ANKS1B: variants seen among roughly 807,000 people sequenced by gnomAD.
ANKS1B encodes ankyrin repeat and sterile alpha motif domain containing 1B.
In ANKS1B, 36 loss-of-function variants were observed where a neutral mutation model predicts 148.3. The observed-to-expected ratio is 0.24, with a 90% CI of 0.19 to 0.32. ANKS1B has a LOEUF of 0.32. ANKS1B is among the 10% of genes least tolerant of loss of function. The pLI is 1.00. For missense variants in ANKS1B, 1,157 were observed against 1,542.6 expected, an observed-to-expected ratio of 0.75 and a Z score of 4.19; for synonymous variants, 542 against 560.8, an observed-to-expected ratio of 0.97 and a Z score of 0.47.
At chr12:99,840,313 G>C (rs906956579) in intron 1 of ANKS1B, among the ~76,000 whole-genome samples, 4 of 152,096 alleles carry the variant, frequency 2.6e-5, no homozygotes, top group African/African-American at 4.8e-5. Flanking sequence ...AAGGAAGAGA[G>C]CACAGAAAAG....
rs1349800189 is a variant in ANKS1B at position 99,427,212 on chromosome 12, TA to T, written c.1575+16460del. Among the ~76,000 whole-genome samples, 3 of 152,284 alleles carry T rather than the reference TA, an allele frequency of 2.0e-5. No individual in the cohort carries two copies. In the East Asian group the frequency reaches 5.8e-4, roughly 29 times the overall value. On this transcript the variant is annotated intron_variant, in intron 11 of 26. Coordinates refer to ENST00000683438, the MANE Select transcript of ANKS1B (RefSeq NM_001352186.2). ...GATCAAATCACATCACATTCTTGCT[TA>T]ACACCCTTCAGTGGCTTCTAATTGC...
chr12:99,704,373 T>A (rs1056910799), intron 8 of ANKS1B, among the ~76,000 whole-genome samples: 1 of 152,000 alleles, frequency 6.6e-6, no homozygotes, highest in Non-Finnish European at 1.5e-5. Context: ...CATTAAAAAA[T>A]AGAATGAAAT....
chr12:99,424,705 A>ATCTG lies in ANKS1B; in HGVS notation c.1575+18964_1575+18967dup, dbSNP rs532574681. The stretch of plus-strand genomic sequence containing the variant: ...TTGTCTATCTATCTATCTGTCATCT[A>ATCTG]TCTGTCTGTCTGTCTGTCTGTCTAG... On this transcript the variant is annotated intron_variant, in intron 11 of 26. Coordinates refer to ENST00000683438, the MANE Select transcript of ANKS1B (RefSeq NM_001352186.2). Among the ~76,000 whole-genome samples the ATCTG allele has an allele frequency of 4.3e-3, 645 of 148,354 alleles. 5 individuals carry two copies. Among genetic ancestry groups the ATCTG allele is most frequent in the African/African-American group, 0.014 (555 of 38,534 alleles).
intron 1 of ANKS1B, among the ~76,000 whole-genome samples, chr12:99,947,201 T>C (rs2095086331): frequency 1.3e-5 from 2 of 150,272 alleles, no homozygotes; most frequent in Non-Finnish European, 3.0e-5. Context: ...GTCAGCAAGG[T>C]TTGTGAAGAA....
At chr12:99,792,107 A>T (rs965906556) in intron 4 of ANKS1B, among the ~76,000 whole-genome samples, 2 of 151,842 alleles carry the variant, frequency 1.3e-5, no homozygotes, top group African/African-American at 4.8e-5. Context: ...TGAGTGGCTG[A>T]TATGAACAAC....
At chr12:98,848,929 G>A (rs919648797) in intron 17 of ANKS1B, among the ~76,000 whole-genome samples, 8 of 151,758 alleles carry the variant, frequency 5.3e-5, no homozygotes, top group Admixed American at 6.6e-5. Context: ...AGTAGAGATG[G>A]GGTTTCACCA....
chr12:99,313,983 T>C (rs550787391), intron 12 of ANKS1B, among the ~76,000 whole-genome samples: 2 of 152,344 alleles, frequency 1.3e-5, no homozygotes, highest in East Asian at 3.9e-4. Context: ...AAATTGTCTC[T>C]GTTTGCAGAT....
Position 99,463,143 on chromosome 12 carries a change from C to T in ANKS1B, c.1439-19334G>A, listed in dbSNP as rs144388162. Among the ~76,000 whole-genome samples the T allele has an allele frequency of 1.8e-4, 27 of 152,336 alleles. No individual in the cohort carries two copies. The East Asian group carries it at 2.7e-3, about 15-fold the overall frequency. On this transcript the variant is annotated intron_variant, in intron 10 of 26. Transcript: ENST00000683438. ...AGAAAACTGGACTAAAAACTACCAA[C>T]AGGCACTTCACAAAAGAAAAGTACA...
chr12:99,403,290 G>A (rs2094455442), intron 11 of ANKS1B, among the ~76,000 whole-genome samples: 1 of 140,194 alleles, frequency 7.1e-6, no homozygotes, highest in African/African-American at 2.8e-5. Context: ...TCGAGTAGCT[G>A]GGATTACAGG....
At chr12:98,897,342 T>C (rs1482556428) in intron 17 of ANKS1B, among the ~76,000 whole-genome samples, 1 of 151,686 alleles carries the variant, frequency 6.6e-6, no homozygotes, top group Non-Finnish European at 1.5e-5. Context: ...GAAAAAGGAC[T>C]AATATCCATA....
At chr12:98,766,528 T>G (rs1464119822) in intron 25 of ANKS1B, among the ~76,000 whole-genome samples, 1 of 152,238 alleles carries the variant, frequency 6.6e-6, no homozygotes, top group East Asian at 1.9e-4. Context: ...TGACATTTTC[T>G]TATATTGCCA....
chr12:99,154,950 T>A, intron 14 of ANKS1B: 1 of 1,535,482 alleles, frequency 6.5e-7, no homozygotes, highest in Non-Finnish European at 8.7e-7. Context: ...AGCCTGCTGC[T>A]GCTGCTTCCT....
intron 1 of ANKS1B, among the ~76,000 whole-genome samples, chr12:99,957,942 A>G (rs773984785): frequency 1.6e-4 from 25 of 152,226 alleles, no homozygotes; most frequent in Non-Finnish European, 1.5e-5. Context: ...TAACTAAACC[A>G]AAGTTTCAGA....
chr12:99,895,763 G>C (rs948996166), intron 1 of ANKS1B, among the ~76,000 whole-genome samples: 1 of 150,906 alleles, frequency 6.6e-6, no homozygotes, highest in African/African-American at 2.4e-5. Context: ...AGAGTAATTG[G>C]CCTACAATTT....
intron 9 of ANKS1B, among the ~76,000 whole-genome samples, chr12:99,550,411 G>C (rs2097207131): frequency 6.6e-6 from 1 of 152,174 alleles, no homozygotes; most frequent in South Asian, 2.1e-4. Context: ...ATCAATTGAG[G>C]TCAGGAGTTC....
intron 8 of ANKS1B, among the ~76,000 whole-genome samples, chr12:99,655,455 T>C (rs907691983): frequency 4.6e-5 from 7 of 152,192 alleles, no homozygotes; most frequent in Middle Eastern, 6.8e-3. Context: ...TAATGAAGAA[T>C]AGAACATGAT....
At position 99,167,641 on chromosome 12, in the gene ANKS1B, G is replaced by C. The variant is rs187864856; in HGVS notation, c.2420-13246C>G. Among the ~76,000 whole-genome samples, 15 of 152,196 alleles carry C rather than the reference G, an allele frequency of 9.9e-5. No homozygotes were observed. The East Asian group carries it at 2.5e-3, about 25-fold the overall frequency. Reference sequence around the variant, plus strand: ...ACAACCACTTTGGAAAAGTTTGATGGTTTCTTAAAAAGCCAAATATACATC... The same window carrying C: ...ACAACCACTTTGGAAAAGTTTGATGCTTTCTTAAAAAGCCAAATATACATC... On this transcript the variant is annotated intron_variant, in intron 14 of 26. Coordinates refer to ENST00000683438, the MANE Select transcript of ANKS1B (RefSeq NM_001352186.2).
chr12:99,385,412 T>C (rs2152526114), intron 12 of ANKS1B, among the ~76,000 whole-genome samples: 1 of 152,240 alleles, frequency 6.6e-6, no homozygotes, highest in Non-Finnish European at 1.5e-5. Context: ...GAGGCTGCAG[T>C]GAGCTAGGAT....
At chr12:98,831,845 G>A (rs11109618) in intron 18 of ANKS1B, 184 bp downstream of exon 18, 44,175 of 630,994 alleles carry the variant, frequency 0.07, 1,917 homozygotes, top group African/African-American at 0.12. Context: ...CGCCTTCTGG[G>A]TTCAAGTGAT....
Sources: gnomAD v4.1 joint callset for allele counts (sites outside exome capture counted in the v4.1 genomes callset) on GRCh38, gnomAD v4.1.1 for gene constraint, MANE v1.5 for transcripts, NCBI Gene and HGNC (gene_info 2026-07-23, HGNC 2026-07-21) for gene names.